The following DNAH14 variants were observed in gnomAD, a reference collection of about 807,000 sequenced individuals.
The protein encoded by DNAH14 is axonemal beta dynein heavy chain 14.
DNAH14 carries 478 observed loss-of-function variants against 520.9 expected under a neutral mutation model. The observed-to-expected ratio is 0.92, with a 90% CI of 0.85 to 0.99. The LOEUF is 0.99. Ranked by LOEUF, DNAH14 falls within the 50% of genes least tolerant of loss-of-function variation. The pLI is 0.00. For synonymous variants in DNAH14, 1,581 were observed against 1,757.2 expected, an observed-to-expected ratio of 0.90 and a Z score of 2.51; for missense variants, 4,831 against 5,234.5, an observed-to-expected ratio of 0.92 and a Z score of 2.38.
At chr1:224,951,604 T>A (rs2060174494) in intron 1 of DNAH14, among the ~76,000 whole-genome samples, 1 of 151,826 alleles carries the variant, frequency 6.6e-6, no homozygotes, top group African/African-American at 2.4e-5. Flanking sequence ...TACATTGATG[T>A]TATAGTTGTC....
chr1:225,197,278 C>G (rs2086267086), intron 38 of DNAH14, among the ~76,000 whole-genome samples: 1 of 152,150 alleles, frequency 6.6e-6, no homozygotes, highest in Non-Finnish European at 1.5e-5. Flanking sequence ...ATTATCCCAG[C>G]ACCATTTGTT....
chr1:225,136,774 G>C (rs2078984182), intron 27 of DNAH14, among the ~76,000 whole-genome samples: 1 of 152,116 alleles, frequency 6.6e-6, no homozygotes, highest in South Asian at 2.1e-4. Flanking sequence ...CTTCCCATCT[G>C]TTTCAGGTAC....
intron 17 of DNAH14, among the ~76,000 whole-genome samples, chr1:225,072,509 C>T (rs927358595): frequency 6.6e-6 from 1 of 152,160 alleles, no homozygotes; most frequent in African/African-American, 2.4e-5. Flanking sequence ...ATCTTTGTTC[C>T]TGTCCATATT....
chr1:225,273,480 C>A (rs1458049513), intron 52 of DNAH14, among the ~76,000 whole-genome samples: 3 of 152,050 alleles, frequency 2.0e-5, no homozygotes, highest in Non-Finnish European at 4.4e-5. Flanking sequence ...GATTATTGGG[C>A]AAAAAATGTT....
chr1:224,938,148 T>A (rs2059161748), intron 1 of DNAH14, among the ~76,000 whole-genome samples: 1 of 152,186 alleles, frequency 6.6e-6, no homozygotes, highest in Admixed American at 6.5e-5. Flanking sequence ...AGATTTATTT[T>A]GTGTAAGACT....
At chr1:224,941,162 A>G (rs2059395064) in intron 1 of DNAH14, among the ~76,000 whole-genome samples, 1 of 152,122 alleles carries the variant, frequency 6.6e-6, no homozygotes, top group Admixed American at 6.5e-5. Context: ...CTATTTCTCC[A>G]CATCCTCTCC....
Position 224,952,724 on chromosome 1 carries a change from G to T in DNAH14, c.22G>T (p.Asp8Tyr). The T allele has an allele frequency of 1.2e-6, 2 of 1,604,214 alleles. No homozygotes were observed. The highest frequency in any genetic ancestry group is 2.2e-5 in the South Asian group (2 of 89,092). METFIPI[D>Y]LTTENQEMDK... is the part of the protein sequence containing the mutation. ...ACATATGGAGACGTTTATACCCATT[G>T]ATTTGACAACTGAAAATCAAGAGAT... The change falls in exon 2 of 86, where the codon GAT becomes TAT. Residue 8 changes from aspartate (D) to tyrosine (Y), a missense_variant. Transcript: ENST00000682510.
Position 225,192,802 on chromosome 1 carries a change from A to G in DNAH14, c.5777A>G (p.Asp1926Gly). Residue 1926 changes from aspartate to glycine, a missense_variant, in exon 38 of 86, where the codon GAT (aspartate) becomes GGT (glycine). Coordinates refer to ENST00000682510, the MANE Select transcript of DNAH14 (RefSeq NM_001367479.1). ...GATCCTAATACTATGGAATGGACTG[A>G]TGGATTATTATCAGCAACAATTCGA... ...QLDPNTMEWT[D>G]GLLSATIRSY... The G allele has an allele frequency of 6.5e-7, 1 of 1,550,202 alleles. No homozygotes were observed. The highest frequency in any genetic ancestry group is 8.7e-7 in the Non-Finnish European group (1 of 1,145,990).
chr1:225,392,617 A>G (rs146094546), intron 84 of DNAH14, among the ~76,000 whole-genome samples, 166 bp downstream of exon 84: 2,110 of 152,306 alleles, frequency 0.014, 16 homozygotes, highest in South Asian at 0.027. Flanking sequence ...CTCAGACTTC[A>G]TGTCTTCCAC....
At position 225,175,855 on chromosome 1, in the gene DNAH14, T is replaced by G. The variant is rs573983310; in HGVS notation, c.5535+7827T>G. ...CTGCACAAGCTCTGCACCTCCAGGG[T>G]TCAAGCGATTCTCCTGCCTCAGCCT... On this transcript the variant is annotated intron_variant, in intron 36 of 85. Transcript: ENST00000682510. Among the ~76,000 whole-genome samples the G allele has an allele frequency of 2.6e-5, 4 of 151,850 alleles. No homozygotes were observed. The South Asian group carries it at 8.3e-4, about 32-fold the overall frequency.
In DNAH14 at chr1:225,061,165, G is replaced by A. The variant is rs538517927; in HGVS notation, c.2424+9370G>A. On this transcript the variant is annotated intron_variant, in intron 17 of 85. Coordinates refer to ENST00000682510, the MANE Select transcript of DNAH14 (RefSeq NM_001367479.1). ...CTTGAGCTGTGGTGGGCCCCACCCA[G>A]TTCGAGCTTCCCAGCTGCTTTGTTT... 3.9e-5 allele frequency among the ~76,000 whole-genome samples: 6 copies of A among 152,334 alleles called. No homozygotes were observed. In the East Asian group the frequency reaches 1.2e-3, roughly 29 times the overall value.
intron 22 of DNAH14, among the ~76,000 whole-genome samples, chr1:225,097,851 G>C (rs989853424): frequency 6.6e-6 from 1 of 151,934 alleles, no homozygotes; most frequent in Admixed American, 6.6e-5. Flanking sequence ...TGGAATATTA[G>C]TGTGGTTTTG....
At chr1:225,331,181 T>A (rs992579261) in intron 64 of DNAH14, among the ~76,000 whole-genome samples, 1 of 151,538 alleles carries the variant, frequency 6.6e-6, no homozygotes, top group African/African-American at 2.4e-5. Flanking sequence ...AATTGATGAA[T>A]CTACAAACGC....
Position 225,007,397 on chromosome 1 carries a change from A to T in DNAH14, c.976-16A>T, listed in dbSNP as rs1572411523. ...TTTGACTTTCTAACACTGAACATTTACTATCATCTAATTAGCTGGATAGTT... is the reference window on the plus strand; with the variant it reads ...TTTGACTTTCTAACACTGAACATTTTCTATCATCTAATTAGCTGGATAGTT... On this transcript the variant is annotated splice_polypyrimidine_tract_variant and intron_variant, in intron 9 of 85. Coordinates refer to ENST00000682510, the MANE Select transcript of DNAH14 (RefSeq NM_001367479.1). 1 of 1,499,952 alleles carries T rather than the reference A, an allele frequency of 6.7e-7. No homozygotes were observed. 92.9% of individuals were successfully genotyped at this position (1,499,952 alleles called of 1,614,324 possible).
chr1:225,225,187 C>T (rs112940504), intron 41 of DNAH14, among the ~76,000 whole-genome samples: 122 of 152,302 alleles, frequency 8.0e-4, no homozygotes, highest in Admixed American at 2.2e-3. Flanking sequence ...ATTGCCAGCT[C>T]ACAGACACGT....
rs1453458610 is a variant in DNAH14 at position 225,240,659 on chromosome 1, T to G, written c.6585T>G (p.Phe2195Leu). Residue 2195 changes from phenylalanine to leucine, a missense_variant, in exon 43 of 86, where the codon TTT becomes TTG. Phe to Leu is a conservative substitution (Grantham distance 22, BLOSUM62 0). Coordinates refer to ENST00000682510, the MANE Select transcript of DNAH14 (RefSeq NM_001367479.1). Reference protein sequence around the residue: ...DKLTKIIQKLFVFAFTWAFGG... With the variant: ...DKLTKIIQKLLVFAFTWAFGG... ...TAACAAAAATTATTCAAAAGCTTTT[T>G]GTGTTTGCCTTTACTTGGGCATTTG... The G allele has an allele frequency of 1.3e-6, 2 of 1,550,758 alleles. No homozygotes were observed. The highest frequency in any genetic ancestry group is 1.7e-6 in the Non-Finnish European group (2 of 1,146,474).
At chr1:225,163,363 T>A (rs949977994) in intron 35 of DNAH14, among the ~76,000 whole-genome samples, 1 of 152,198 alleles carries the variant, frequency 6.6e-6, no homozygotes, top group African/African-American at 2.4e-5. Flanking sequence ...TTCTCTTGTC[T>A]GATTGCTCCA....
chr1:225,324,356 A>G lies in DNAH14; in HGVS notation c.9627+3A>G. 1 of 1,550,716 alleles carries G rather than the reference A, an allele frequency of 6.4e-7. No homozygotes were observed. The highest frequency in any genetic ancestry group is 8.7e-7 in the Non-Finnish European group (1 of 1,146,616). On this transcript the variant is annotated splice_donor_region_variant and intron_variant, in intron 63 of 85. Transcript: ENST00000682510. The stretch of plus-strand genomic sequence containing the variant: ...ATAACTACCATGAAGTACAGAAGGT[A>G]TGCTTTTCCTCCTAAACATCTGTCA...
intron 41 of DNAH14, among the ~76,000 whole-genome samples, chr1:225,229,990 A>G (rs1200303732): frequency 6.6e-6 from 1 of 152,220 alleles, no homozygotes; most frequent in African/African-American, 2.4e-5. Flanking sequence ...GATCTGCAGA[A>G]TAAGGGATGC....
Sources: allele counts gnomAD v4.1 joint callset (sites outside exome capture counted in the v4.1 genomes callset), GRCh38; gene constraint gnomAD v4.1.1; transcripts MANE v1.5; gene names NCBI Gene and HGNC (gene_info 2026-07-23, HGNC 2026-07-21).